The following BLTP1 variants were observed in gnomAD, a reference collection of about 807,000 sequenced individuals.
BLTP1 encodes bridge-like lipid transfer protein family member 1.
At chr4:122,304,308 T>G in the BLTP1 span, among the ~76,000 whole-genome samples, 1 of 152,144 alleles carries the variant, frequency 6.6e-6, no homozygotes, top group African/African-American at 2.4e-5. Context: ...GACTCCCTGG[T>G]TCAAGCTATT....
At chr4:122,211,853 C>T in the BLTP1 span, among the ~76,000 whole-genome samples, 1 of 152,226 alleles carries the variant, frequency 6.6e-6, no homozygotes, top group South Asian at 2.1e-4. Flanking sequence ...TAAATGTCCC[C>T]AACAGATTAT....
At chr4:122,208,996 AAAAAAAAAGAT>A in the BLTP1 span, 4 of 630,464 alleles carry the variant, frequency 6.3e-6, no homozygotes, top group African/African-American at 8.1e-5. Context: ...AAAAAAAAAA[AAAAAAAAAGAT>A]AAATAATACA....
chr4:122,280,176 G>A, the BLTP1 span: 11 of 985,360 alleles, frequency 1.1e-5, no homozygotes, highest in Middle Eastern at 5.2e-4. Flanking sequence ...GTACAGTGTC[G>A]TCAGTGCAAT....
chr4:122,361,042 T>C, the BLTP1 span, among the ~76,000 whole-genome samples: 1 of 152,170 alleles, frequency 6.6e-6, no homozygotes, highest in Non-Finnish European at 1.5e-5. Flanking sequence ...TCTGCCTCAG[T>C]TGACTCATGA....
the BLTP1 span, chr4:122,170,445 T>C: frequency 1.0e-6 from 1 of 957,066 alleles, no homozygotes; most frequent in Non-Finnish European, 1.2e-6. Context: ...TCTTACATTT[T>C]AGTAGAAATG....
At chr4:122,333,786 T>C in the BLTP1 span, 1 of 1,610,284 alleles carries the variant, frequency 6.2e-7, no homozygotes, top group Non-Finnish European at 8.5e-7. Flanking sequence ...AACAGTATTT[T>C]ACATTCCCGG....
chr4:122,339,186 T>G, the BLTP1 span: 7 of 1,607,482 alleles, frequency 4.4e-6, no homozygotes, highest in Non-Finnish European at 6.0e-6. Flanking sequence ...CTAGAAACCT[T>G]TTGCTGTCTG....
At chr4:122,263,243 A>G in the BLTP1 span, 3 of 985,064 alleles carry the variant, frequency 3.0e-6, no homozygotes, top group Non-Finnish European at 3.6e-6. Context: ...GACCAGCAAC[A>G]TAGAATTTCC....
chr4:122,343,684 T>C, the BLTP1 span: 4 of 1,502,514 alleles, frequency 2.7e-6, no homozygotes, highest in South Asian at 4.9e-5. Context: ...TTTTCATAAA[T>C]CATAAGGACA....
the BLTP1 span, chr4:122,328,296 G>A: frequency 3.1e-6 from 5 of 1,610,812 alleles, no homozygotes; most frequent in Non-Finnish European, 4.2e-6. Context: ...TGAAGATTCC[G>A]AGAAGGATGA....
the BLTP1 span, among the ~76,000 whole-genome samples, chr4:122,321,856 C>G: frequency 6.7e-6 from 1 of 149,104 alleles, no homozygotes; most frequent in East Asian, 2.0e-4. Context: ...TTTTTTTCCT[C>G]TCAACACTTT....
At chr4:122,343,479 C>A in the BLTP1 span, 1 of 1,614,064 alleles carries the variant, frequency 6.2e-7, no homozygotes, top group Non-Finnish European at 8.5e-7. Context: ...CTGACCAGTT[C>A]CAGCAGTAGT....
the BLTP1 span, chr4:122,313,886 CAT>C: frequency 3.5e-3 from 587 of 167,096 alleles, 4 homozygotes; most frequent in African/African-American, 0.014. Flanking sequence ...TAAATATATA[CAT>C]ATATATATAC....
the BLTP1 span, chr4:122,313,958 T>C: frequency 2.6e-6 from 2 of 781,356 alleles, no homozygotes; most frequent in African/African-American, 3.8e-5. Flanking sequence ...CTTCATACTT[T>C]TAAATTTTTA....
chr4:122,348,169 C>T, the BLTP1 span, among the ~76,000 whole-genome samples: 2 of 152,118 alleles, frequency 1.3e-5, no homozygotes, highest in African/African-American at 4.8e-5. Flanking sequence ...ACACAAAAGA[C>T]AGGCACCCCA....
the BLTP1 span, among the ~76,000 whole-genome samples, chr4:122,205,759 T>C: frequency 4.4e-5 from 6 of 136,490 alleles, no homozygotes; most frequent in African/African-American, 1.6e-4. Flanking sequence ...TTCCAGTTGT[T>C]TCTCTCTCTC....
At chr4:122,346,759 A>G in the BLTP1 span, 1 of 1,608,852 alleles carries the variant, frequency 6.2e-7, no homozygotes, top group Non-Finnish European at 8.5e-7. Flanking sequence ...TAAATTTGCC[A>G]AGTAAGCTTG....
the BLTP1 span, chr4:122,361,951 T>C: frequency 1.3e-6 from 2 of 1,510,356 alleles, no homozygotes; most frequent in Non-Finnish European, 1.8e-6. Flanking sequence ...TATAGAGGCT[T>C]AGTGATGTTC....
chr4:122,181,298 A>G, the BLTP1 span: 4 of 904,198 alleles, frequency 4.4e-6, no homozygotes, highest in Non-Finnish European at 5.3e-6. Context: ...CTCCTGGCGC[A>G]GAATTTGGGC....
Sources: gnomAD v4.1 joint callset for allele counts (sites outside exome capture counted in the v4.1 genomes callset) on GRCh38, gnomAD v4.1.1 for gene constraint, MANE v1.5 for transcripts, NCBI Gene and HGNC (gene_info 2026-07-23, HGNC 2026-07-21) for gene names.